CFI: variants seen among roughly 807,000 people sequenced by gnomAD.
CFI encodes C3B/C4B inactivator.
In CFI, 66 loss-of-function variants were observed where a neutral mutation model predicts 78.8. The ratio of observed to expected loss-of-function variants is 0.84; its 90% CI spans 0.69 to 1.03. The LOEUF (loss-of-function observed/expected upper bound fraction) is 1.03. Ranked by LOEUF, CFI falls within the 50% of genes least tolerant of loss-of-function variation. The probability of loss-of-function intolerance (pLI) is 0.00; values close to 1 mark genes in which losing one functional copy is unlikely to be tolerated. For missense variants in CFI, 706 were observed against 704.5 expected (o/e 1.00, Z -0.02); for synonymous variants, 250 against 232.6 (o/e 1.07, Z -0.68).
intron 11 of CFI, 32 bp from the exon 12 acceptor site, chr4:109,742,627 G>T: frequency 7.4e-7 from 1 of 1,351,216 alleles, no homozygotes. Flanking sequence ...ACATTTAGAA[G>T]TCACAAATGA....
At chr4:109,783,342 T>A (rs1286718096) in intron 1 of CFI, among the ~76,000 whole-genome samples, 4 of 151,014 alleles carry the variant, frequency 2.6e-5, no homozygotes, top group African/African-American at 9.7e-5. Flanking sequence ...GAAAAAACAA[T>A]CCCATCAAAA....
chr4:109,747,159 A>C (rs1724575133), intron 10 of CFI, among the ~76,000 whole-genome samples: 1 of 151,958 alleles, frequency 6.6e-6, no homozygotes, highest in Non-Finnish European at 1.5e-5. Context: ...GCTTCACTAC[A>C]TTTTCATATC....
At chr4:109,765,634 C>G (rs1424478612) in intron 2 of CFI, among the ~76,000 whole-genome samples, 1 of 152,120 alleles carries the variant, frequency 6.6e-6, no homozygotes, top group Non-Finnish European at 1.5e-5. Context: ...AGTCTGAATG[C>G]TAGGGCCCCA....
intron 1 of CFI, among the ~76,000 whole-genome samples, chr4:109,770,648 A>AG (rs967269667): frequency 6.6e-6 from 1 of 151,658 alleles, no homozygotes; most frequent in Non-Finnish European, 1.5e-5. Flanking sequence ...AAAAAAAAAA[A>AG]AAAGAAAGTC....
chr4:109,749,244 C>A lies in CFI; in HGVS notation c.1122G>T (p.Trp374Cys). The change falls in exon 10 of 13, where the codon TGG (tryptophan) becomes TGT (cysteine). Residue 374 changes from tryptophan to cysteine, a missense_variant. Coordinates refer to ENST00000394634, the MANE Select transcript of CFI (RefSeq NM_000204.5). ...TGAGACAATGTGCAGCAGTCAGAAT[C>A]CAACAGCCACCAATATAAATTCCCC... ...TCGGIYIGGC[W>C]ILTAAHCLRA... is the part of the protein sequence containing the mutation. 1 of 1,614,122 alleles carries A rather than the reference C, an allele frequency of 6.2e-7. No individual in the cohort carries two copies. Among genetic ancestry groups the A allele is most frequent in the Non-Finnish European group, 8.5e-7 (1 of 1,180,004 alleles).
chr4:109,785,871 C>T (rs186060504), intron 1 of CFI, among the ~76,000 whole-genome samples: 3 of 152,062 alleles, frequency 2.0e-5, no homozygotes, highest in East Asian at 1.9e-4. Flanking sequence ...TGAGAAGGTG[C>T]CTTGCTTCCT....
chr4:109,749,891 G>A (rs560377497), intron 8 of CFI, among the ~76,000 whole-genome samples: 1 of 152,340 alleles, frequency 6.6e-6, no homozygotes, highest in South Asian at 2.1e-4. Flanking sequence ...AGCTGATAAA[G>A]GATGCCACAT....
intron 1 of CFI, among the ~76,000 whole-genome samples, chr4:109,796,794 C>A (rs979035716): frequency 6.6e-6 from 1 of 152,172 alleles, no homozygotes; most frequent in Non-Finnish European, 1.5e-5. Flanking sequence ...AAAACCCTGT[C>A]TTTAACAAAA....
chr4:109,755,235 T>C (rs1437047546), intron 7 of CFI, among the ~76,000 whole-genome samples: 2 of 152,176 alleles, frequency 1.3e-5, no homozygotes, highest in Admixed American at 6.5e-5. Flanking sequence ...TAATAAACAA[T>C]GCCATCACTT....
At chr4:109,745,307 C>T (rs142014906) in intron 11 of CFI, among the ~76,000 whole-genome samples, 1 of 152,096 alleles carries the variant, frequency 6.6e-6, no homozygotes, top group South Asian at 2.1e-4. Flanking sequence ...TTCAGCCCCC[C>T]TCAACCTCCA....
downstream of CFI, among the ~76,000 whole-genome samples, chr4:109,737,467 C>G (rs945331816): frequency 2.0e-5 from 3 of 152,172 alleles, no homozygotes; most frequent in Non-Finnish European, 2.9e-5. Flanking sequence ...TTGTACCTGG[C>G]AAGGTGCAGC....
chr4:109,781,564 G>A (rs1730039364), intron 1 of CFI, among the ~76,000 whole-genome samples: 1 of 152,032 alleles, frequency 6.6e-6, no homozygotes, highest in Non-Finnish European at 1.5e-5. Context: ...ATTCACAGCA[G>A]AATTCTACCA....
chr4:109,761,156 T>C (rs1223876507), intron 4 of CFI, among the ~76,000 whole-genome samples: 2 of 152,218 alleles, frequency 1.3e-5, no homozygotes, highest in Non-Finnish European at 2.9e-5. Flanking sequence ...ATGTGGTCAC[T>C]TAAAGGTTTT....
At position 109,740,801 on chromosome 4, in the gene CFI, C is replaced by T. The variant is rs1451712783; in HGVS notation, c.*92G>A. The T allele has an allele frequency of 8.4e-7, 1 of 1,191,668 alleles. No homozygotes were observed. Among genetic ancestry groups the T allele is most frequent in the Non-Finnish European group, 1.2e-6 (1 of 808,962 alleles). 73.8% of individuals were successfully genotyped at this position (1,191,668 alleles called of 1,614,324 possible). A position where few individuals can be genotyped will look rare whatever the true frequency, so the allele number is the denominator to read the frequency against. ...ATCCAGTGAGATTTGCTTCATTTTT[C>T]CCCCCTAGAGAATTATTAATTATAC... On this transcript the variant is annotated 3_prime_UTR_variant, in exon 13 of 13. Transcript: ENST00000394634.
intron 1 of CFI, among the ~76,000 whole-genome samples, chr4:109,782,958 G>C (rs919933783): frequency 2.6e-5 from 4 of 152,122 alleles, no homozygotes; most frequent in African/African-American, 9.7e-5. Flanking sequence ...ATGGTACTGG[G>C]ATAATTGGCT....
the CFI span, among the ~76,000 whole-genome samples, chr4:109,733,995 C>T: frequency 1.4e-3 from 217 of 152,018 alleles, no homozygotes; most frequent in African/African-American, 4.8e-3. Flanking sequence ...CATAGCAAAA[C>T]CTTATCTCTA....
chr4:109,759,463 G>A (rs1385760005), intron 6 of CFI, among the ~76,000 whole-genome samples: 1 of 152,138 alleles, frequency 6.6e-6, no homozygotes, highest in Non-Finnish European at 1.5e-5. Flanking sequence ...AATGACGTTA[G>A]TGAATTACTA....
rs536058235 is a variant in CFI, at chr4:109,777,267, G to A, written c.58-10443C>T. ...AGACACACATAGGCTCAAAATAAAG[G>A]GATGGAGGAAGATCTACCAAGAAAA... On this transcript the variant is annotated intron_variant, in intron 1 of 12. Coordinates refer to ENST00000394634, the MANE Select transcript of CFI (RefSeq NM_000204.5). 6.9e-4 allele frequency among the ~76,000 whole-genome samples: 105 copies of A among 152,178 alleles called. 2 individuals are homozygous for A. The highest frequency in any genetic ancestry group is 2.5e-3 in the African/African-American group (102 of 41,504).
At chr4:109,768,713 A>G (rs1384320002) in intron 1 of CFI, among the ~76,000 whole-genome samples, 1 of 152,182 alleles carries the variant, frequency 6.6e-6, no homozygotes, top group East Asian at 1.9e-4. Flanking sequence ...GCCCGCAGTG[A>G]GCCCCGCTCC....
Sources: allele counts gnomAD v4.1 joint callset (sites outside exome capture counted in the v4.1 genomes callset), GRCh38; gene constraint gnomAD v4.1.1; transcripts MANE v1.5; gene names NCBI Gene and HGNC (gene_info 2026-07-23, HGNC 2026-07-21).